Variants in FAM222A observed in about 807,000 individuals in gnomAD.
The protein encoded by FAM222A is family with sequence similarity 222 member A.
A neutral mutation model predicts 25.8 loss-of-function variants in FAM222A; 7 were observed. The observed-to-expected ratio is 0.27, with a 90% CI of 0.15 to 0.51. The LOEUF is 0.51. Ranked by LOEUF, FAM222A falls within the 20% of genes least tolerant of loss-of-function variation. The pLI is 0.97. For synonymous variants in FAM222A, 294 were observed against 298.8 expected (o/e 0.98, Z 0.17); for missense variants, 573 against 640.5 (o/e 0.89, Z 1.14).
intron 1 of FAM222A, among the ~76,000 whole-genome samples, chr12:109,727,419 C>G (rs571671977): frequency 4.6e-4 from 70 of 152,256 alleles, no homozygotes; most frequent in African/African-American, 1.6e-3. Flanking sequence ...GGCCAGGGAG[C>G]CTGTCATCAT....
intron 1 of FAM222A, among the ~76,000 whole-genome samples, chr12:109,730,421 C>T (rs1305062294): frequency 6.6e-6 from 1 of 150,384 alleles, no homozygotes; most frequent in Non-Finnish European, 1.5e-5. Context: ...GGGGGGGTTC[C>T]TCCAGCCCAC....
At position 109,714,075 on chromosome 12, in the gene FAM222A, G is replaced by T. The variant is rs2136311019; in HGVS notation, c.-869G>T. ...CCCAGCGCGCGCGGCCCCTGCTGCG[G>T]CTTGCGAGCTCGCACACCCGGTGCA... On this transcript the variant is annotated 5_prime_UTR_variant, in exon 1 of 3. Transcript: ENST00000538780. The surrounding 1 kb of genome is among the most constrained non-coding windows in gnomAD (Gnocchi z 4.2). Among the ~76,000 whole-genome samples, 1 of 150,982 alleles carries T rather than the reference G, an allele frequency of 6.6e-6. No individual in the cohort carries two copies. The highest frequency in any genetic ancestry group is 2.0e-4 in the East Asian group (1 of 5,120).
chr12:109,758,422 G>A (rs1355090876), intron 2 of FAM222A, among the ~76,000 whole-genome samples: 1 of 152,296 alleles, frequency 6.6e-6, no homozygotes, highest in East Asian at 1.9e-4. Flanking sequence ...CATCAGGAGA[G>A]CTGCAGTCAC....
chr12:109,734,734 G>T (rs371757384), intron 1 of FAM222A: 1 of 152,238 alleles, frequency 6.6e-6, no homozygotes, highest in African/African-American at 2.4e-5. Context: ...ATGACAGGGG[G>T]AGGGGGTTGA....
chr12:109,738,692 T>A (rs1002112209), intron 1 of FAM222A, among the ~76,000 whole-genome samples: 4 of 152,198 alleles, frequency 2.6e-5, no homozygotes, highest in Non-Finnish European at 5.9e-5. Flanking sequence ...AGATTCTAAG[T>A]CCCTCAAAGA....
chr12:109,719,783 G>C (rs573980359), intron 1 of FAM222A, among the ~76,000 whole-genome samples: 1 of 152,234 alleles, frequency 6.6e-6, no homozygotes, highest in Non-Finnish European at 1.5e-5. Context: ...TGTGCAGGGG[G>C]CATCGGGTGC....
chr12:109,721,527 C>T (rs1887745698), intron 1 of FAM222A, among the ~76,000 whole-genome samples: 1 of 152,244 alleles, frequency 6.6e-6, no homozygotes, highest in African/African-American at 2.4e-5. Flanking sequence ...CCTTCCAGGG[C>T]TCTGGGCAGG....
At chr12:109,754,666 CT>C (rs35822126) in intron 2 of FAM222A, among the ~76,000 whole-genome samples, 23,784 of 143,354 alleles carry the variant, frequency 0.17, 1,973 homozygotes, top group East Asian at 0.31. Flanking sequence ...GTTTGGGACT[CT>C]TTTTTTTTTT....
chr12:109,749,090 TTGTG>T (rs920642601), intron 2 of FAM222A, among the ~76,000 whole-genome samples: 1 of 152,114 alleles, frequency 6.6e-6, no homozygotes, highest in Non-Finnish European at 1.5e-5. Context: ...AGTAGGTGTT[TTGTG>T]TGTGTGTTTG....
At chr12:109,737,760 G>T (rs1330224738) in intron 1 of FAM222A, among the ~76,000 whole-genome samples, 1 of 152,148 alleles carries the variant, frequency 6.6e-6, no homozygotes, top group African/African-American at 2.4e-5. Flanking sequence ...AGGGGTTAAA[G>T]AAAATTACCC....
At chr12:109,748,095 T>C (rs1212774302) in intron 2 of FAM222A, among the ~76,000 whole-genome samples, 1 of 152,176 alleles carries the variant, frequency 6.6e-6, no homozygotes, top group African/African-American at 2.4e-5. Flanking sequence ...AGAATGGAAG[T>C]TGAACTTTGC....
chr12:109,765,547 C>T (rs918495820), intron 2 of FAM222A, among the ~76,000 whole-genome samples: 2 of 152,244 alleles, frequency 1.3e-5, no homozygotes, highest in African/African-American at 2.4e-5. Context: ...CTGTTTCTCC[C>T]TCCCTTTTCA....
chr12:109,744,872 T>G, intron 2 of FAM222A: 4 of 725,070 alleles, frequency 5.5e-6, no homozygotes, highest in Non-Finnish European at 6.8e-6. Context: ...CCTGTGTGCC[T>G]GTATTGCAGC....
At chr12:109,759,356 T>C (rs1033744071) in intron 2 of FAM222A, among the ~76,000 whole-genome samples, 1 of 152,068 alleles carries the variant, frequency 6.6e-6, no homozygotes, top group Non-Finnish European at 1.5e-5. Context: ...TCACAGGCCC[T>C]GTGGTGCAGA....
At chr12:109,747,536 T>G (rs1368078875) in intron 2 of FAM222A, among the ~76,000 whole-genome samples, 1 of 152,262 alleles carries the variant, frequency 6.6e-6, no homozygotes, top group African/African-American at 2.4e-5. Flanking sequence ...CTATTTGTGC[T>G]TCTACCGGGA....
chr12:109,742,875 T>A (rs1245516528), intron 1 of FAM222A, among the ~76,000 whole-genome samples: 1 of 152,118 alleles, frequency 6.6e-6, no homozygotes, highest in African/African-American at 2.4e-5. Flanking sequence ...AAGAAAGTAG[T>A]GAAAAAAGGC....
At chr12:109,723,766 C>T (rs1887792830) in intron 1 of FAM222A, among the ~76,000 whole-genome samples, 1 of 152,250 alleles carries the variant, frequency 6.6e-6, no homozygotes, top group Non-Finnish European at 1.5e-5. Flanking sequence ...GCCTCCGCCC[C>T]TCCTCCTGAA....
rs1403894488 is a variant in FAM222A at position 109,714,389 on chromosome 12, A to G, written c.-555A>G. ...GTGCGTGCAACCCCCGAAGGAGACA[A>G]TCCCTCCACCTCGGGGCGAACCCGG... On this transcript the variant is annotated 5_prime_UTR_variant, in exon 1 of 3. Transcript: ENST00000538780. This position sits in a 1 kb window ranked among gnomAD's most constrained non-coding sequence, Gnocchi z 4.2. 1.3e-5 allele frequency: 2 copies of G among 152,512 alleles called. No individual in the cohort carries two copies. Among genetic ancestry groups the G allele is most frequent in the Non-Finnish European group, 2.9e-5 (2 of 68,236 alleles). The allele number at this position is 152,512 out of a possible 1,614,324, so 9.4% of individuals were successfully genotyped here.
chr12:109,734,739 G>A lies in FAM222A; in HGVS notation c.-46-9362G>A, dbSNP rs1360855117. ...CCGCTAGGCTATGACAGGGGGAGGG[G>A]GTTGAACCCAGGTGGTCTGGCTCCA... On this transcript the variant is annotated intron_variant, in intron 1 of 2. Transcript: ENST00000538780. 13 of 152,296 alleles carry A rather than the reference G, an allele frequency of 8.5e-5. No individual in the cohort carries two copies. In the East Asian group the frequency reaches 2.5e-3, roughly 29 times the overall value. 9.4% of individuals were successfully genotyped at this position (152,296 alleles called of 1,614,324 possible). A position where few individuals can be genotyped will look rare whatever the true frequency, so the allele number is the denominator to read the frequency against.
Sources: gnomAD v4.1 joint callset for allele counts (sites outside exome capture counted in the v4.1 genomes callset) on GRCh38, gnomAD v4.1.1 for gene constraint, Gnocchi (gnomAD v3.1) non-coding constraint, MANE v1.5 for transcripts, NCBI Gene and HGNC (gene_info 2026-07-23, HGNC 2026-07-21) for gene names.